The following EIF2S3 variants were observed in gnomAD, a reference collection of about 807,000 sequenced individuals.
The protein encoded by EIF2S3 is eukaryotic translation initiation factor 2 subunit gamma.
Under a neutral mutation model 31.7 loss-of-function variants are expected in EIF2S3, and 2 were observed. The observed-to-expected ratio is 0.06, with a 90% CI of 0.03 to 0.20. EIF2S3 has a LOEUF of 0.20. Among genes scored for constraint, EIF2S3 ranks in the 10% least tolerant of loss-of-function variants. The pLI, the probability that EIF2S3 is intolerant of heterozygous loss-of-function variation, is 1.00. For missense variants in EIF2S3, 96 were observed against 359.3 expected, an observed-to-expected ratio of 0.27 and a Z score of 5.92; for synonymous variants, 120 against 126.7, an observed-to-expected ratio of 0.95 and a Z score of 0.36.
chrX:24,062,498 T>C lies in EIF2S3; in HGVS notation c.561T>C (p.Ile187=), dbSNP rs768065870. The change falls in exon 6 of 12, where the codon ATT becomes ATC. Residue 187 remains isoleucine (I), a synonymous_variant. Coordinates refer to ENST00000253039, the MANE Select transcript of EIF2S3 (RefSeq NM_001415.4). ...TCATGAAACTGAAGCATATTTTGAT[T>C]CTACAAAATAAAATTGATTTGGTAA... The part of the protein sequence containing the change: ...IEIMKLKHIL[I]LQNKIDLVKE... The C allele has an allele frequency of 1.7e-5, 20 of 1,208,076 alleles. No homozygotes were observed. The highest frequency in any genetic ancestry group is 2.2e-5 in the Non-Finnish European group (20 of 893,967).
At chrX:24,075,761 C>T (rs1410642900) in intron 11 of EIF2S3, among the ~76,000 whole-genome samples, 1 of 111,304 alleles carries the variant, frequency 9.0e-6, no homozygotes, top group African/African-American at 3.3e-5. Context: ...TTTTTAGAGG[C>T]AGGGTCTCTC....
chrX:24,072,015 A>G (rs756341750), intron 10 of EIF2S3, among the ~76,000 whole-genome samples: 4 of 108,693 alleles, frequency 3.7e-5, no homozygotes, highest in African/African-American at 1.0e-4. Context: ...ATATGGGACT[A>G]CAGGCACGCA....
At chrX:24,056,727 T>G (rs1259422368) in intron 2 of EIF2S3, among the ~76,000 whole-genome samples, 1 of 111,103 alleles carries the variant, frequency 9.0e-6, no homozygotes, top group Non-Finnish European at 1.9e-5. Flanking sequence ...TGCGTGGTGG[T>G]GCATGCCTGC....
rs769550938 is a variant in EIF2S3, at chrX:24,078,187, G to A, written c.*1402G>A. 9.1e-6 allele frequency among the ~76,000 whole-genome samples: 1 copy of A among 110,390 alleles called. No individual in the cohort carries two copies. Among genetic ancestry groups the A allele is most frequent in the Admixed American group, 9.7e-5 (1 of 10,267 alleles). ...ATTACAGGCACTTGCCACCATACCCGGCTAATTTTTGTATTTTTAGTAGAG... is the reference window on the plus strand; with the variant it reads ...ATTACAGGCACTTGCCACCATACCCAGCTAATTTTTGTATTTTTAGTAGAG... On this transcript the variant is annotated 3_prime_UTR_variant, in exon 12 of 12. Coordinates refer to ENST00000253039, the MANE Select transcript of EIF2S3 (RefSeq NM_001415.4).
chrX:24,059,232 G>C (rs1285047593), intron 4 of EIF2S3, among the ~76,000 whole-genome samples: 1 of 111,527 alleles, frequency 9.0e-6, no homozygotes, highest in Non-Finnish European at 1.9e-5. Flanking sequence ...AAATAGGTAT[G>C]GTGGTGGGCC....
At chrX:24,055,290 T>C (rs187612670) in intron 1 of EIF2S3, among the ~76,000 whole-genome samples, 1 of 111,626 alleles carries the variant, frequency 9.0e-6, no homozygotes, top group Admixed American at 9.6e-5. Flanking sequence ...TTGATGTTGA[T>C]TGTCATGGTT....
Position 24,064,331 on chromosome X carries a change from T to G in EIF2S3, c.768T>G (p.Leu256=). The G allele has an allele frequency of 8.5e-7, 1 of 1,178,033 alleles. No individual in the cohort carries two copies. The highest frequency in any genetic ancestry group is 3.1e-5 in the East Asian group (1 of 32,580). Residue 256 remains leucine, a synonymous_variant, in exon 7 of 12, where the codon CTT becomes CTG. Coordinates refer to ENST00000253039, the MANE Select transcript of EIF2S3 (RefSeq NM_001415.4). Reference sequence around the variant, plus strand: ...GAGACTTTACTTCAGAGCCCCGGCTTATTGGTAAGTGATAGGATTTGCCTT... The same window carrying G: ...GAGACTTTACTTCAGAGCCCCGGCTGATTGGTAAGTGATAGGATTTGCCTT... The part of the protein sequence containing the change: ...PPRDFTSEPR[L]IVIRSFDVNK...
intron 11 of EIF2S3, among the ~76,000 whole-genome samples, chrX:24,073,775 A>G (rs772301867): frequency 1.8e-5 from 2 of 112,299 alleles, no homozygotes; most frequent in Non-Finnish European, 3.8e-5. Flanking sequence ...GACACAACCT[A>G]TGCAAAACCA....
chrX:24,070,834 C>T (rs1361885874), intron 9 of EIF2S3, among the ~76,000 whole-genome samples: 1 of 111,553 alleles, frequency 9.0e-6, no homozygotes, highest in Non-Finnish European at 1.9e-5. Context: ...TGTATTCTTT[C>T]GGTCTTTGTT....
chrX:24,055,145 G>A (rs1416616790), intron 1 of EIF2S3, 108 bp downstream of exon 1: 1 of 907,519 alleles, frequency 1.1e-6, no homozygotes, highest in Non-Finnish European at 1.5e-6. Context: ...TCAGGAGCCT[G>A]GGTCAGGAGG....
chrX:24,060,607 G>A (rs770618729), intron 5 of EIF2S3: 1 of 138,584 alleles, frequency 7.2e-6, no homozygotes, highest in South Asian at 2.0e-4. Flanking sequence ...GAGTTTTGAA[G>A]GGTAGCGTAT....
chrX:24,075,092 C>T (rs759448434), intron 11 of EIF2S3, among the ~76,000 whole-genome samples: 1 of 109,526 alleles, frequency 9.1e-6, no homozygotes, highest in South Asian at 3.9e-4. Flanking sequence ...CTTTAACCCC[C>T]GACCTCAGGT....
chrX:24,076,644 A>G (rs1306838436), intron 11 of EIF2S3, 78 bp from the exon 12 acceptor site: 7 of 1,034,498 alleles, frequency 6.8e-6, no homozygotes, highest in Non-Finnish European at 9.3e-6. Flanking sequence ...TAAGCAGGTA[A>G]AATTTATCAC....
At chrX:24,060,818 G>A (rs1930478643) in intron 5 of EIF2S3, among the ~76,000 whole-genome samples, 2 of 106,547 alleles carry the variant, frequency 1.9e-5, no homozygotes, top group Admixed American at 1.0e-4. Flanking sequence ...AAAATTAGCC[G>A]GGTGTGGTGG....
chrX:24,073,420 C>T (rs982630463), intron 11 of EIF2S3, 157 bp downstream of exon 11: 32 of 685,931 alleles, frequency 4.7e-5, no homozygotes, highest in South Asian at 1.4e-4. Flanking sequence ...CGGCCGGGTG[C>T]GGTGGCTCAC....
chrX:24,068,433 C>G (rs1010807206), intron 9 of EIF2S3, among the ~76,000 whole-genome samples: 1 of 109,709 alleles, frequency 9.1e-6, no homozygotes, highest in East Asian at 2.8e-4. Flanking sequence ...GATTTTTGTG[C>G]TAGATAATGG....
At position 24,071,037 on chromosome X, in the gene EIF2S3, T is replaced by A. The variant is rs16997671; in HGVS notation, c.1013-521T>A. 6.1e-3 allele frequency among the ~76,000 whole-genome samples: 681 copies of A among 111,751 alleles called. 7 individuals carry two copies. Among genetic ancestry groups the A allele is most frequent in the African/African-American group, 0.021 (652 of 30,776 alleles). ...TTAAATCAAGAGAATCGTTCTGTTC[T>A]CATTTGCCCAGTCATCTCATGAGTG... On this transcript the variant is annotated intron_variant, in intron 9 of 11. Coordinates refer to ENST00000253039, the MANE Select transcript of EIF2S3 (RefSeq NM_001415.4).
At chrX:24,070,892 C>A (rs973368712) in intron 9 of EIF2S3, among the ~76,000 whole-genome samples, 1 of 111,395 alleles carries the variant, frequency 9.0e-6, no homozygotes, top group Non-Finnish European at 1.9e-5. Context: ...TCTATTTGCC[C>A]TTTGTTTAGA....
intron 4 of EIF2S3, 146 bp downstream of exon 4, chrX:24,057,900 C>A: frequency 1.4e-6 from 1 of 731,732 alleles, no homozygotes; most frequent in South Asian, 5.0e-5. Flanking sequence ...TATGGGAAAT[C>A]TGAAAAGTCA....
Sources: gnomAD v4.1 joint callset for allele counts (sites outside exome capture counted in the v4.1 genomes callset) on GRCh38, gnomAD v4.1.1 for gene constraint, MANE v1.5 for transcripts, NCBI Gene and HGNC (gene_info 2026-07-23, HGNC 2026-07-21) for gene names.